The following CTNNA3 variants were observed in gnomAD, a reference collection of about 807,000 sequenced individuals.
CTNNA3 encodes catenin alpha-3.
In CTNNA3, 76 loss-of-function variants were observed where a neutral mutation model predicts 95.7. That is an observed-to-expected ratio of 0.79 (90% CI 0.66 to 0.96). The LOEUF (loss-of-function observed/expected upper bound fraction) is 0.96, where lower values mean the gene tolerates loss of function less well. CTNNA3 is among the 40% of genes least tolerant of loss of function. The pLI is 0.00. For synonymous variants in CTNNA3, 431 were observed against 374.4 expected (o/e 1.15, Z -1.74); for missense variants, 1,191 against 1,089.8 (o/e 1.09, Z -1.31).
chr10:66,249,243 C>T (rs1040045626), intron 13 of CTNNA3, among the ~76,000 whole-genome samples: 15 of 152,014 alleles, frequency 9.9e-5, no homozygotes, highest in African/African-American at 3.4e-4. Context: ...ACCCTACAAG[C>T]ACAAGAAACC....
At chr10:66,961,487 G>T (rs942896766) in intron 7 of CTNNA3, among the ~76,000 whole-genome samples, 8 of 152,048 alleles carry the variant, frequency 5.3e-5, no homozygotes, top group African/African-American at 1.7e-4. Context: ...CAACCTCACT[G>T]GGACTCTCTT....
intron 5 of CTNNA3, among the ~76,000 whole-genome samples, chr10:67,239,907 G>T (rs1004951125): frequency 1.3e-5 from 2 of 152,084 alleles, no homozygotes; most frequent in African/African-American, 2.4e-5. Context: ...AGAAGAGAAA[G>T]CTCCTGTAGC....
chr10:67,707,573 C>T (rs1033920967), intron 1 of CTNNA3, among the ~76,000 whole-genome samples: 3 of 152,112 alleles, frequency 2.0e-5, no homozygotes, highest in Non-Finnish European at 2.9e-5. Flanking sequence ...TCACTTATCA[C>T]GACCTTGCAT....
At chr10:67,763,391 G>C (rs779223352) in intron 1 of CTNNA3, among the ~76,000 whole-genome samples, 6 of 152,044 alleles carry the variant, frequency 3.9e-5, no homozygotes, top group Non-Finnish European at 5.9e-5. Flanking sequence ...CCATAATTTG[G>C]TTTCGAGAAA....
intron 7 of CTNNA3, among the ~76,000 whole-genome samples, chr10:66,777,799 GCA>G (rs111611061): frequency 0.023 from 3,167 of 138,026 alleles, 94 homozygotes; most frequent in East Asian, 0.15. Flanking sequence ...ACACACACAT[GCA>G]CACACACACA....
chr10:66,889,222 A>T (rs1644764477), intron 7 of CTNNA3, among the ~76,000 whole-genome samples: 1 of 152,216 alleles, frequency 6.6e-6, no homozygotes, highest in Non-Finnish European at 1.5e-5. Flanking sequence ...GAGCTTGGGT[A>T]GGAGAGAGGG....
chr10:66,652,909 G>GA (rs993293707), intron 9 of CTNNA3, among the ~76,000 whole-genome samples: 3 of 152,004 alleles, frequency 2.0e-5, no homozygotes, highest in Non-Finnish European at 2.9e-5. Flanking sequence ...GTCCATGGAT[G>GA]AAAAAAGCAT....
At chr10:67,683,722 T>C (rs902729925) in intron 1 of CTNNA3, among the ~76,000 whole-genome samples, 1 of 152,190 alleles carries the variant, frequency 6.6e-6, no homozygotes, top group Admixed American at 6.5e-5. Context: ...TGGTGAGTGT[T>C]ACCACTCTTA....
At chr10:66,708,576 G>T (rs1236063376) in intron 9 of CTNNA3, among the ~76,000 whole-genome samples, 2 of 151,946 alleles carry the variant, frequency 1.3e-5, no homozygotes, top group African/African-American at 4.8e-5. Flanking sequence ...TAGGAGTTAG[G>T]GCTTCAACAT....
chr10:67,249,433 A>G (rs1009100351), intron 5 of CTNNA3, among the ~76,000 whole-genome samples: 1 of 152,168 alleles, frequency 6.6e-6, no homozygotes, highest in Non-Finnish European at 1.5e-5. Flanking sequence ...TACGCTTTAA[A>G]TCATCTCTAG....
intron 13 of CTNNA3, among the ~76,000 whole-genome samples, chr10:66,111,852 T>C (rs2082132822): frequency 6.6e-6 from 1 of 152,210 alleles, no homozygotes; most frequent in African/African-American, 2.4e-5. Flanking sequence ...GTGTCCTAAC[T>C]AAACTAGTTG....
At chr10:67,726,446 A>ATT (rs1483078483) in intron 1 of CTNNA3, among the ~76,000 whole-genome samples, 244 of 17,980 alleles carry the variant, frequency 0.014, 5 homozygotes, top group African/African-American at 0.022. Flanking sequence ...TATAATATAT[A>ATT]ATATTATATA....
intron 7 of CTNNA3, among the ~76,000 whole-genome samples, chr10:66,996,656 A>AAAAAAAAAAAAAAAAC (rs1851368463): frequency 6.7e-6 from 1 of 150,186 alleles, no homozygotes; most frequent in Admixed American, 6.7e-5. Flanking sequence ...CTACAAAAAA[A>AAAAAAAAAAAAAAAAC]AAAAAAAAAA....
intron 10 of CTNNA3, among the ~76,000 whole-genome samples, chr10:66,523,625 T>G (rs537061658): frequency 6.6e-6 from 1 of 152,306 alleles, no homozygotes; most frequent in South Asian, 2.1e-4. Context: ...GCATTTTGTT[T>G]CTTTAAATTA....
intron 11 of CTNNA3, among the ~76,000 whole-genome samples, chr10:66,470,892 A>C (rs759609168): frequency 5.3e-5 from 8 of 151,944 alleles, no homozygotes; most frequent in Non-Finnish European, 1.0e-4. Context: ...AGTCTGAGCA[A>C]GACAATTTCA....
At chr10:66,034,455 C>T (rs1316763385) in intron 15 of CTNNA3, among the ~76,000 whole-genome samples, 1 of 152,120 alleles carries the variant, frequency 6.6e-6, no homozygotes, top group Admixed American at 6.6e-5. Context: ...ATTATACAGT[C>T]TCCAGTTCAA....
chr10:66,689,865 A>C (rs56160370), intron 9 of CTNNA3, among the ~76,000 whole-genome samples: 7 of 152,220 alleles, frequency 4.6e-5, no homozygotes, highest in Non-Finnish European at 1.0e-4. Flanking sequence ...CTGGGATTTC[A>C]CAGTATTCCT....
chr10:67,141,511 C>G (rs1166657233), intron 7 of CTNNA3, among the ~76,000 whole-genome samples: 1 of 152,104 alleles, frequency 6.6e-6, no homozygotes, highest in Admixed American at 6.5e-5. Flanking sequence ...GTGACAATGA[C>G]CAAGTCAAAA....
In CTNNA3 at chr10:67,070,351, C is replaced by T. The variant is rs567434769; in HGVS notation, c.1047+109966G>A. ...ATATCTTCTCCCACTCTGTGACTGT[C>T]TTTTCATTCTCTTAATGGTATGTTT... On this transcript the variant is annotated intron_variant, in intron 7 of 17. Coordinates refer to ENST00000433211, the MANE Select transcript of CTNNA3 (RefSeq NM_013266.4). Among the ~76,000 whole-genome samples the T allele has an allele frequency of 1.2e-4, 19 of 152,164 alleles. No individual in the cohort carries two copies. In the South Asian group the frequency reaches 3.9e-3, roughly 32 times the overall value.
Sources: allele counts gnomAD v4.1 joint callset (sites outside exome capture counted in the v4.1 genomes callset), GRCh38; gene constraint gnomAD v4.1.1; transcripts MANE v1.5; gene names NCBI Gene and HGNC (gene_info 2026-07-23, HGNC 2026-07-21).